The following RGPD3 variants were observed in gnomAD, a reference collection of about 807,000 sequenced individuals.
RGPD3 encodes ranBP2-like and GRIP domain-containing protein 3.
A neutral mutation model predicts 154.5 loss-of-function variants in RGPD3; 62 were observed. The observed-to-expected ratio is 0.40, with a 90% CI of 0.33 to 0.50. RGPD3 has a LOEUF of 0.50. Ranked by LOEUF, RGPD3 falls within the 20% of genes least tolerant of loss-of-function variation. RGPD3 has a pLI of 0.59. For missense variants in RGPD3, 919 were observed against 1,716.8 expected (o/e 0.54, Z 8.21); for synonymous variants, 308 against 607.0 (o/e 0.51, Z 7.24).
intron 22 of RGPD3, among the ~76,000 whole-genome samples, chr2:106,410,291 G>A (rs1195249760): frequency 6.6e-6 from 1 of 152,142 alleles, no homozygotes; most frequent in African/African-American, 2.4e-5. Flanking sequence ...GAGACAAGTA[G>A]TAAATAATCT....
upstream of RGPD3, chr2:106,470,750 A>G (rs1457747246): frequency 6.4e-7 from 1 of 1,556,306 alleles, no homozygotes; most frequent in Non-Finnish European, 8.7e-7. Context: ...TGTTTAACCA[A>G]ACTTCTTTAA....
Position 106,423,804 on chromosome 2 carries a change from T to C in RGPD3, c.4163A>G (p.Tyr1388Cys). The C allele has an allele frequency of 6.2e-7, 1 of 1,612,056 alleles. No individual in the cohort carries two copies. Among genetic ancestry groups the C allele is most frequent in the Non-Finnish European group, 8.5e-7 (1 of 1,179,876 alleles). The stretch of plus-strand genomic sequence containing the variant: ...CAGTATACGAACGTGCTTATTATCA[T>C]AATTCTGTAAAATCTTTATATCACC... ...GIGDIKILQN[Y>C]DNKHVRILMR... The change falls in exon 20 of 23, where the codon TAT becomes TGT. Residue 1388 changes from tyrosine (Y) to cysteine (C), a missense_variant. Coordinates refer to ENST00000409886, the MANE Select transcript of RGPD3 (RefSeq NM_001144013.2).
intron 9 of RGPD3, among the ~76,000 whole-genome samples, chr2:106,438,542 G>C (rs1250609656): frequency 2.1e-4 from 31 of 150,636 alleles, no homozygotes; most frequent in Non-Finnish European, 3.7e-4. Context: ...AGCACTTTGG[G>C]AGGCCAAGGC....
chr2:106,412,538 G>C (rs2104444546), intron 22 of RGPD3, among the ~76,000 whole-genome samples: 1 of 151,430 alleles, frequency 6.6e-6, no homozygotes. Flanking sequence ...TCGGTATCTT[G>C]ATCTTGTGAT....
chr2:106,467,095 A>T (rs1205888284), intron 1 of RGPD3, among the ~76,000 whole-genome samples: 3 of 62,862 alleles, frequency 4.8e-5, no homozygotes, highest in African/African-American at 1.6e-4. Flanking sequence ...AGGCCGCCGC[A>T]GGGCCAGGTC....
At chr2:106,467,988 C>T (rs1678688045) in intron 1 of RGPD3, among the ~76,000 whole-genome samples, 1 of 142,166 alleles carries the variant, frequency 7.0e-6, no homozygotes, top group Admixed American at 6.9e-5. Context: ...CAGGTCGAGG[C>T]CGGCGCCTCA....
Position 106,424,526 on chromosome 2 carries a change from C to T in RGPD3, c.3441G>A (p.Leu1147=), listed in dbSNP as rs560165842. The change falls in exon 20 of 23, where the codon TTG becomes TTA. Residue 1147 remains leucine, a synonymous_variant. Transcript: ENST00000409886. The stretch of plus-strand genomic sequence containing the variant: ...GCTCTGGTGTTTTAAATTTTGCTGC[C>T]AATCGCTCTAGTTTGGCATCACCAT... ...FSDGDAKLER[L]AAKFKTPELA... The T allele has an allele frequency of 3.1e-6, 5 of 1,606,590 alleles. No individual in the cohort carries two copies. The highest frequency in any genetic ancestry group is 3.4e-5 in the Admixed American group (2 of 59,634).
chr2:106,450,780 G>T lies in RGPD3; in HGVS notation c.782+1425C>A, dbSNP rs1224458849. ...GGCACCTGTAGTTCCACCTATTCAG[G>T]AGGCAGAGACAAGAGAATCACTTGA... On this transcript the variant is annotated intron_variant, in intron 6 of 22. Coordinates refer to ENST00000409886, the MANE Select transcript of RGPD3 (RefSeq NM_001144013.2). 6.8e-3 allele frequency among the ~76,000 whole-genome samples: 766 copies of T among 112,826 alleles called. 4 individuals are homozygous for T. The highest frequency in any genetic ancestry group is 0.024 in the African/African-American group (710 of 29,036). The allele number at this position is 112,826 out of a possible 152,430, so 74.0% of individuals were successfully genotyped here.
intron 22 of RGPD3, 131 bp from the exon 23 acceptor site, chr2:106,405,360 T>C (rs1676480118): frequency 2.1e-6 from 2 of 975,286 alleles, no homozygotes; most frequent in Non-Finnish European, 2.9e-6. Context: ...CCTTTTTTGT[T>C]GGGTGGGGGG....
chr2:106,408,928 C>A (rs1369829414), intron 22 of RGPD3, among the ~76,000 whole-genome samples: 4 of 151,630 alleles, frequency 2.6e-5, no homozygotes, highest in Non-Finnish European at 5.9e-5. Context: ...TCAAGCAATC[C>A]TCCTGCCTGG....
chr2:106,465,061 G>A (rs376981332), intron 1 of RGPD3, among the ~76,000 whole-genome samples: 1,901 of 151,330 alleles, frequency 0.013, 40 homozygotes, highest in African/African-American at 0.043. Context: ...AAGCACAATG[G>A]AAGACTAGAA....
chr2:106,463,521 C>G (rs1224767216), intron 1 of RGPD3, among the ~76,000 whole-genome samples: 1 of 151,856 alleles, frequency 6.6e-6, no homozygotes, highest in Non-Finnish European at 1.5e-5. Flanking sequence ...TTCCTCAAAG[C>G]AAGTGAGACT....
In RGPD3 at chr2:106,441,500, A is replaced by C. The variant is rs2104486466; in HGVS notation, c.979-120T>G. On this transcript the variant is annotated intron_variant, in intron 7 of 22. Transcript: ENST00000409886. ...TGAATGAACAGTTAACCATTAATTA[A>C]ACTGAATTGGAAAAGACTGCAAAAA... 5 of 1,128,168 alleles carry C rather than the reference A, an allele frequency of 4.4e-6. No homozygotes were observed. The East Asian group carries it at 1.3e-4, about 29-fold the overall frequency. The allele number at this position is 1,128,168 out of a possible 1,614,324, so 69.9% of individuals were successfully genotyped here.
At chr2:106,466,305 G>A (rs1678586235) in intron 1 of RGPD3, among the ~76,000 whole-genome samples, 1 of 151,052 alleles carries the variant, frequency 6.6e-6, no homozygotes, top group African/African-American at 2.4e-5. Flanking sequence ...CGCCGCAACA[G>A]AGCGCGCCAG....
chr2:106,429,106 T>C (rs1399309358), intron 18 of RGPD3, among the ~76,000 whole-genome samples: 1 of 152,068 alleles, frequency 6.6e-6, no homozygotes, highest in East Asian at 1.9e-4. Flanking sequence ...TCATAGTAAT[T>C]ATGTAAGGCA....
Position 106,416,002 on chromosome 2 carries a change from G to T in RGPD3, c.4925-13C>A, listed in dbSNP as rs1448363930. The T allele has an allele frequency of 1.2e-6, 2 of 1,611,328 alleles. No homozygotes were observed. Among genetic ancestry groups the T allele is most frequent in the East Asian group, 2.2e-5 (1 of 44,802 alleles). Reference sequence around the variant, plus strand: ...CATAATGGAGGCTCTGCAACATGTTGTTCCAAGAATTAATTTTCAAAATCA... The same window carrying T: ...CATAATGGAGGCTCTGCAACATGTTTTTCCAAGAATTAATTTTCAAAATCA... On this transcript the variant is annotated splice_polypyrimidine_tract_variant and intron_variant, in intron 20 of 22. Coordinates refer to ENST00000409886, the MANE Select transcript of RGPD3 (RefSeq NM_001144013.2).
In RGPD3 at chr2:106,425,112, A is replaced by G. The variant is rs1408449857; in HGVS notation, c.2855T>C (p.Ile952Thr). Residue 952 changes from isoleucine to threonine, a missense_variant, in exon 20 of 23, where the codon ATT becomes ACT. Physicochemically the swap from Ile to Thr is moderately conservative, Grantham distance 89. Coordinates refer to ENST00000409886, the MANE Select transcript of RGPD3 (RefSeq NM_001144013.2). Reference protein sequence around the residue: ...ENDTGLQAQDISGRKKGRGVI... With the variant: ...ENDTGLQAQDTSGRKKGRGVI... Reference sequence around the variant, plus strand: ...ACCACGGCCCTTCTTCCGGCCACTAATATCCTGAGCCTGTAAGCCAGTATC... The same window carrying G: ...ACCACGGCCCTTCTTCCGGCCACTAGTATCCTGAGCCTGTAAGCCAGTATC... 1 of 1,611,846 alleles carries G rather than the reference A, an allele frequency of 6.2e-7. No individual in the cohort carries two copies. Among genetic ancestry groups the G allele is most frequent in the African/African-American group, 1.3e-5 (1 of 74,842 alleles).
intron 1 of RGPD3, among the ~76,000 whole-genome samples, chr2:106,467,343 A>T (rs866060526): frequency 9.1e-4 from 17 of 18,698 alleles, no homozygotes; most frequent in East Asian, 1.5e-3. Context: ...AGGCCGCCGC[A>T]GGGCCAGGTC....
chr2:106,470,089 A>G (rs184923382), upstream of RGPD3, among the ~76,000 whole-genome samples: 416 of 152,294 alleles, frequency 2.7e-3, 4 homozygotes, highest in African/African-American at 9.3e-3. Context: ...TCTCAATAAA[A>G]CTGTTCTAAG....
Sources: allele counts gnomAD v4.1 joint callset (sites outside exome capture counted in the v4.1 genomes callset), GRCh38; gene constraint gnomAD v4.1.1; transcripts MANE v1.5; gene names NCBI Gene and HGNC (gene_info 2026-07-23, HGNC 2026-07-21).